Variants in NACC1 observed in about 807,000 individuals in gnomAD.
NACC1 encodes the protein nucleus accumbens associated 1.
NACC1 carries 6 observed loss-of-function variants against 41.7 expected under a neutral mutation model. The ratio of observed to expected loss-of-function variants is 0.14; its 90% CI spans 0.08 to 0.28. The LOEUF (loss-of-function observed/expected upper bound fraction) is 0.28, where lower values mean the gene tolerates loss of function less well. Among genes scored for constraint, NACC1 ranks in the 10% least tolerant of loss-of-function variants. The pLI, the probability that NACC1 is intolerant of heterozygous loss-of-function variation, is 1.00. For missense variants in NACC1, 434 were observed against 763.7 expected, an observed-to-expected ratio of 0.57 and a Z score of 5.09; for synonymous variants, 338 against 330.6, an observed-to-expected ratio of 1.02 and a Z score of -0.24.
chr19:13,119,857 C>T (rs763447812), intron 1 of NACC1, among the ~76,000 whole-genome samples: 1 of 152,178 alleles, frequency 6.6e-6, no homozygotes, highest in Admixed American at 6.5e-5. Flanking sequence ...GATGGCTCAC[C>T]ACCACCAGTT....
chr19:13,129,842 C>T (rs545094489), intron 1 of NACC1, among the ~76,000 whole-genome samples: 6 of 151,912 alleles, frequency 3.9e-5, no homozygotes, highest in Admixed American at 2.6e-4. Flanking sequence ...CTATTATCCC[C>T]GTAACCTTTC....
At chr19:13,122,530 G>C (rs796943751) in intron 1 of NACC1, among the ~76,000 whole-genome samples, 12 of 150,946 alleles carry the variant, frequency 7.9e-5, no homozygotes, top group East Asian at 1.9e-4. Flanking sequence ...TGCCGGGGGG[G>C]GGGGGGTGTG....
Position 13,138,045 on chromosome 19 carries a change from C to A in NACC1, c.1325-102C>A. Reference sequence around the variant, plus strand: ...CTGGCCGCGTGGCCTCACTCGTTTCCCCTTTGAGAGGGAGTCGCAGATGCT... The same window carrying A: ...CTGGCCGCGTGGCCTCACTCGTTTCACCTTTGAGAGGGAGTCGCAGATGCT... On this transcript the variant is annotated intron_variant, in intron 5 of 5. Coordinates refer to ENST00000292431, the MANE Select transcript of NACC1 (RefSeq NM_052876.4). This position sits in a 1 kb window ranked among gnomAD's most constrained non-coding sequence, Gnocchi z 5.7. 6.5e-7 allele frequency: 1 copy of A among 1,532,952 alleles called. No individual in the cohort carries two copies. The highest frequency in any genetic ancestry group is 8.8e-7 in the Non-Finnish European group (1 of 1,133,102). The allele number at this position is 1,532,952 out of a possible 1,614,324, so 95.0% of individuals were successfully genotyped here. A position where few individuals can be genotyped will look rare whatever the true frequency, so the allele number is the denominator to read the frequency against.
At chr19:13,133,229 C>T (rs182451067) in intron 1 of NACC1, among the ~76,000 whole-genome samples, 190 of 152,236 alleles carry the variant, frequency 1.2e-3, no homozygotes, top group African/African-American at 4.3e-3. Flanking sequence ...CCTTCTCACT[C>T]GCACTCTGCC....
chr19:13,137,795 A>G lies in NACC1; in HGVS notation c.1324+220A>G, dbSNP rs2019727810. ...AGCCAGGGAGCCTGTGTCAGGCAGG[A>G]GGGTCTCGAACTCAGGGCAGTCTGG... is the stretch of plus-strand genomic sequence containing the variant. On this transcript the variant is annotated intron_variant, in intron 5 of 5. Transcript: ENST00000292431. The surrounding 1 kb of genome is among the most constrained non-coding windows in gnomAD (Gnocchi z 6.1). 6.6e-6 allele frequency among the ~76,000 whole-genome samples: 1 copy of G among 152,128 alleles called. No individual in the cohort carries two copies. The highest frequency in any genetic ancestry group is 2.4e-5 in the African/African-American group (1 of 41,414).
rs767089335 is a variant in NACC1 at position 13,136,080 on chromosome 19, G to C, written c.873G>C (p.Glu291Asp). ...ACGAGGAGGAGGATGGTGGCGAGGA[G>C]GGCATGGATGAGCAGTACCGGCAGA... Reference protein sequence around the residue: ...EEDEEEDGGEEGMDEQYRQIC... With the variant: ...EEDEEEDGGEDGMDEQYRQIC... The change falls in exon 2 of 6, where the codon GAG (glutamate) becomes GAC (aspartate). Residue 291 changes from glutamate (E) to aspartate (D), a missense_variant. By Grantham distance (45) the Glu-to-Asp change is conservative. Coordinates refer to ENST00000292431, the MANE Select transcript of NACC1 (RefSeq NM_052876.4). The surrounding 1 kb of genome is among the most constrained non-coding windows in gnomAD (Gnocchi z 5.5). 5.4e-5 allele frequency: 87 copies of C among 1,614,000 alleles called. No homozygotes were observed. The South Asian group carries it at 9.3e-4, about 17-fold the overall frequency.
In NACC1 at chr19:13,140,972, T is replaced by C. The variant is rs1450864377; in HGVS notation, c.*2566T>C. On this transcript the variant is annotated 3_prime_UTR_variant, in exon 6 of 6. Transcript: ENST00000292431. The surrounding 1 kb of genome is among the most constrained non-coding windows in gnomAD (Gnocchi z 4.0). ...TTCACGCAGGACAGGCTGCCCACCC[T>C]GTCCACGTGAAGTGCCAACGCCCTC... is the stretch of plus-strand genomic sequence containing the variant. 1 of 152,378 alleles carries C rather than the reference T, an allele frequency of 6.6e-6. No individual in the cohort carries two copies. Among genetic ancestry groups the C allele is most frequent in the African/African-American group, 2.4e-5 (1 of 41,358 alleles). The allele number at this position is 152,378 out of a possible 1,614,324, so 9.4% of individuals were successfully genotyped here.
At position 13,135,867 on chromosome 19, in the gene NACC1, G is replaced by A. The variant is rs1036571541; in HGVS notation, c.660G>A (p.Pro220=). ...CTGCCAACCGGCCTCACCAGCCCCC[G>A]CCACCCCAACAGGCTCCGGTGGTGG... is the stretch of plus-strand genomic sequence containing the variant. ...DLAANRPHQP[P]PPQQAPVVAA... is the part of the protein sequence containing the mutation. Residue 220 remains proline, a synonymous_variant, in exon 2 of 6, where the codon CCG becomes CCA. Transcript: ENST00000292431. 54 of 1,555,554 alleles carry A rather than the reference G, an allele frequency of 3.5e-5. 1 individual carries two copies. The highest frequency in any genetic ancestry group is 4.7e-5 in the South Asian group (4 of 85,134).
Position 13,139,813 on chromosome 19 carries a change from G to A in NACC1, c.*1407G>A, listed in dbSNP as rs113519524. 32 of 149,314 alleles carry A rather than the reference G, an allele frequency of 2.1e-4. No individual in the cohort carries two copies. Among genetic ancestry groups the A allele is most frequent in the African/African-American group, 6.9e-4 (28 of 40,726 alleles). 9.2% of individuals were successfully genotyped at this position (149,314 alleles called of 1,614,324 possible). A position where few individuals can be genotyped will look rare whatever the true frequency, so the allele number is the denominator to read the frequency against. ...TTTTGTTGTTGTTTTAGATTTTCAT[G>A]TGAAGGCAGTTTTTTTTCTTTTTTA... On this transcript the variant is annotated 3_prime_UTR_variant, in exon 6 of 6. Coordinates refer to ENST00000292431, the MANE Select transcript of NACC1 (RefSeq NM_052876.4).
intron 1 of NACC1, among the ~76,000 whole-genome samples, chr19:13,125,998 A>C (rs1014389841): frequency 6.6e-6 from 1 of 151,190 alleles, no homozygotes; most frequent in African/African-American, 2.4e-5. Flanking sequence ...CGGCCTCCCA[A>C]AGTGCTGAGA....
chr19:13,136,224 C>A lies in NACC1; in HGVS notation c.947-8C>A, dbSNP rs1308559810. The A allele has an allele frequency of 1.2e-5, 19 of 1,609,964 alleles. No individual in the cohort carries two copies. The highest frequency in any genetic ancestry group is 4.2e-6 in the Non-Finnish European group (5 of 1,177,728). On this transcript the variant is annotated splice_region_variant and splice_polypyrimidine_tract_variant and intron_variant, in intron 2 of 5. Coordinates refer to ENST00000292431, the MANE Select transcript of NACC1 (RefSeq NM_052876.4). This position sits in a 1 kb window ranked among gnomAD's most constrained non-coding sequence, Gnocchi z 5.5. ...TCCTGCCACTCGCGTGCCACTCTCT[C>A]CCTGCAGCCGAGAAGGTGGAGGCCC...
chr19:13,124,056 A>G (rs550635705), intron 1 of NACC1, among the ~76,000 whole-genome samples: 5 of 152,312 alleles, frequency 3.3e-5, no homozygotes, highest in African/African-American at 9.6e-5. Context: ...GGATTTAACA[A>G]TAGTCATTCA....
At chr19:13,135,106 GTC>G in intron 1 of NACC1, 92 bp from the exon 2 acceptor site, 1 of 1,443,360 alleles carries the variant, frequency 6.9e-7, no homozygotes, top group Non-Finnish European at 9.1e-7. Context: ...AGCAGGGGAG[GTC>G]TTTGGGGCCA....
At chr19:13,127,963 C>T (rs1225836365) in intron 1 of NACC1, among the ~76,000 whole-genome samples, 1 of 152,158 alleles carries the variant, frequency 6.6e-6, no homozygotes, top group Non-Finnish European at 1.5e-5. Context: ...CTGCCAGGGG[C>T]CCCAATAAAG....
At position 13,135,342 on chromosome 19, in the gene NACC1, G is replaced by C. The variant is rs769403033; in HGVS notation, c.135G>C (p.Arg45=). The part of the protein sequence containing the change: ...VVKGHAFKAH[R]AVLAASSSYF... Reference sequence around the variant, plus strand: ...AGGGCCATGCCTTCAAGGCCCACCGGGCCGTGCTTGCTGCCAGCAGCTCCT... The same window carrying C: ...AGGGCCATGCCTTCAAGGCCCACCGCGCCGTGCTTGCTGCCAGCAGCTCCT... The change falls in exon 2 of 6, where the codon CGG becomes CGC. Residue 45 remains arginine (R), a synonymous_variant. Transcript: ENST00000292431. 1.2e-6 allele frequency: 2 copies of C among 1,613,676 alleles called. No individual in the cohort carries two copies. The highest frequency in any genetic ancestry group is 4.5e-5 in the East Asian group (2 of 44,886).
At chr19:13,122,235 C>G (rs183981950) in intron 1 of NACC1, among the ~76,000 whole-genome samples, 114 of 152,324 alleles carry the variant, frequency 7.5e-4, no homozygotes, top group Non-Finnish European at 1.3e-3. Context: ...TGCGTCTTCT[C>G]TGAGGGCTTT....
In NACC1 at chr19:13,137,237, C is replaced by A; in HGVS notation, c.1121-34C>A. ...CATGGGGGCTGTGGCGGTTTGGGGG[C>A]ACCCCAGGCCATCCTCCGGCTTCCT... is the stretch of plus-strand genomic sequence containing the variant. On this transcript the variant is annotated intron_variant, in intron 3 of 5. Coordinates refer to ENST00000292431, the MANE Select transcript of NACC1 (RefSeq NM_052876.4). This position sits in a 1 kb window ranked among gnomAD's most constrained non-coding sequence, Gnocchi z 6.1. The A allele has an allele frequency of 6.3e-7, 1 of 1,597,750 alleles. No individual in the cohort carries two copies. The highest frequency in any genetic ancestry group is 8.6e-7 in the Non-Finnish European group (1 of 1,167,210).
Position 13,137,840 on chromosome 19 carries a change from C to G in NACC1, c.1324+265C>G, listed in dbSNP as rs1600001773. ...GTCTGGGAGGGATGAGGCAGCCAGA[C>G]AGTGCTAGCCACTCGTCATGGGGGG... On this transcript the variant is annotated intron_variant, in intron 5 of 5. Transcript: ENST00000292431. The surrounding 1 kb of genome is among the most constrained non-coding windows in gnomAD (Gnocchi z 6.1). Among the ~76,000 whole-genome samples, 1 of 152,226 alleles carries G rather than the reference C, an allele frequency of 6.6e-6. No individual in the cohort carries two copies. The highest frequency in any genetic ancestry group is 1.5e-5 in the Non-Finnish European group (1 of 68,038).
chr19:13,129,336 GT>G (rs1485589277), intron 1 of NACC1, among the ~76,000 whole-genome samples: 2 of 152,176 alleles, frequency 1.3e-5, no homozygotes, highest in Non-Finnish European at 2.9e-5. Flanking sequence ...CGAGAGACCC[GT>G]TTCCTCTGAG....
Sources: gnomAD v4.1 joint callset for allele counts (sites outside exome capture counted in the v4.1 genomes callset) on GRCh38, gnomAD v4.1.1 for gene constraint, Gnocchi (gnomAD v3.1) non-coding constraint, MANE v1.5 for transcripts, NCBI Gene and HGNC (gene_info 2026-07-23, HGNC 2026-07-21) for gene names.